The following DIAPH3 variants were observed in gnomAD, a reference collection of about 807,000 sequenced individuals.
DIAPH3 encodes diaphanous related formin 3.
Under a neutral mutation model 144.3 loss-of-function variants are expected in DIAPH3, and 117 were observed. The ratio of observed to expected loss-of-function variants is 0.81; its 90% CI spans 0.70 to 0.95. The LOEUF is 0.95. Ranked by LOEUF, DIAPH3 falls within the 40% of genes least tolerant of loss-of-function variation. The pLI, the probability that DIAPH3 is intolerant of heterozygous loss-of-function variation, is 0.00. For missense variants in DIAPH3, 1,421 were observed against 1,412.7 expected, an observed-to-expected ratio of 1.01 and a Z score of -0.09; for synonymous variants, 519 against 488.9, an observed-to-expected ratio of 1.06 and a Z score of -0.81.
intron 4 of DIAPH3, among the ~76,000 whole-genome samples, chr13:60,055,809 C>G (rs577533497): frequency 1.3e-5 from 2 of 151,704 alleles, no homozygotes; most frequent in South Asian, 4.1e-4. Flanking sequence ...CAATCGCATA[C>G]CTTCGGGGTG....
intron 3 of DIAPH3, among the ~76,000 whole-genome samples, chr13:60,106,857 A>T (rs529534370): frequency 6.6e-6 from 1 of 152,172 alleles, no homozygotes; most frequent in African/African-American, 2.4e-5. Context: ...CAAAACTTAA[A>T]AAGTCTAATA....
chr13:60,009,722 CA>C (rs1369901463), intron 8 of DIAPH3, among the ~76,000 whole-genome samples: 1 of 152,142 alleles, frequency 6.6e-6, no homozygotes, highest in Non-Finnish European at 1.5e-5. Context: ...ATCCAACCAT[CA>C]AGCCGAACCT....
At chr13:59,668,991 A>G (rs889562816) in intron 27 of DIAPH3, among the ~76,000 whole-genome samples, 1 of 152,142 alleles carries the variant, frequency 6.6e-6, no homozygotes, top group Non-Finnish European at 1.5e-5. Flanking sequence ...GCTTAGACTT[A>G]GTTACTGAGT....
chr13:59,910,468 C>T (rs1035554012), intron 20 of DIAPH3, among the ~76,000 whole-genome samples: 1 of 152,012 alleles, frequency 6.6e-6, no homozygotes, highest in Non-Finnish European at 1.5e-5. Flanking sequence ...TGGCTCACAC[C>T]TGTAATCCCA....
intron 21 of DIAPH3, among the ~76,000 whole-genome samples, chr13:59,867,001 G>A (rs1254823625): frequency 3.3e-5 from 5 of 150,382 alleles, no homozygotes; most frequent in African/African-American, 1.2e-4. Context: ...TGTGTGCCTG[G>A]TGTGTGTTTG....
At chr13:60,110,607 G>C (rs1380680767) in intron 3 of DIAPH3, among the ~76,000 whole-genome samples, 2 of 152,168 alleles carry the variant, frequency 1.3e-5, no homozygotes, top group East Asian at 1.9e-4. Flanking sequence ...GGGAAAGAAA[G>C]AATCTGTTTC....
At chr13:60,124,064 C>T (rs2058918971) in intron 2 of DIAPH3, among the ~76,000 whole-genome samples, 1 of 152,216 alleles carries the variant, frequency 6.6e-6, no homozygotes, top group Admixed American at 6.5e-5. Context: ...AAACAAAGCT[C>T]AGTCCTATTA....
chr13:60,157,457 TTC>T (rs1952086642), intron 1 of DIAPH3, among the ~76,000 whole-genome samples: 1 of 152,224 alleles, frequency 6.6e-6, no homozygotes, highest in Non-Finnish European at 1.5e-5. Context: ...TTTTTATAGT[TTC>T]TGTTTCTCTA....
Position 60,155,976 on chromosome 13 carries a change from CT to C in DIAPH3, c.180+7610del, listed in dbSNP as rs778984241. 2.0e-5 allele frequency among the ~76,000 whole-genome samples: 3 copies of C among 152,332 alleles called. No homozygotes were observed. The East Asian group carries it at 5.8e-4, about 29-fold the overall frequency. The stretch of plus-strand genomic sequence containing the variant: ...TGGTCCTCCTTGTAACTATACCTAG[CT>C]TCATTTCCTATGGCAGGTGTAACAC... On this transcript the variant is annotated intron_variant, in intron 1 of 27. Transcript: ENST00000400324.
chr13:59,899,402 G>A (rs1309951221), intron 20 of DIAPH3, among the ~76,000 whole-genome samples: 1 of 152,236 alleles, frequency 6.6e-6, no homozygotes, highest in African/African-American at 2.4e-5. Context: ...TTCCACAAAG[G>A]ACCTGTGAAA....
intron 20 of DIAPH3, among the ~76,000 whole-genome samples, chr13:59,902,885 T>C (rs1434063261): frequency 6.6e-6 from 1 of 152,226 alleles, no homozygotes; most frequent in African/African-American, 2.4e-5. Flanking sequence ...TATGAAATAA[T>C]AGTTTATTAT....
At chr13:59,938,608 G>T (rs9538534) in intron 17 of DIAPH3, among the ~76,000 whole-genome samples, 94,751 of 150,176 alleles carry the variant, frequency 0.63, 30,594 homozygotes, top group African/African-American at 0.72. Context: ...GACCTTGTTT[G>T]GAAAAAAAAA....
chr13:60,135,578 A>G (rs929842057), intron 1 of DIAPH3, among the ~76,000 whole-genome samples: 6 of 152,190 alleles, frequency 3.9e-5, no homozygotes, highest in Non-Finnish European at 8.8e-5. Context: ...CATCAGCAAG[A>G]GAAGTCAATA....
intron 27 of DIAPH3, among the ~76,000 whole-genome samples, chr13:59,739,356 T>G (rs1214256969): frequency 6.6e-6 from 1 of 152,138 alleles, no homozygotes; most frequent in Non-Finnish European, 1.5e-5. Flanking sequence ...GTCAGAAATT[T>G]TTTACTCCAT....
chr13:60,124,791 G>A (rs188251105), intron 2 of DIAPH3, among the ~76,000 whole-genome samples: 397 of 151,916 alleles, frequency 2.6e-3, no homozygotes, highest in Non-Finnish European at 4.4e-3. Context: ...ACAGTGAGCT[G>A]TGTTTGCACC....
At chr13:59,748,692 C>T (rs2036828328) in intron 27 of DIAPH3, among the ~76,000 whole-genome samples, 1 of 152,108 alleles carries the variant, frequency 6.6e-6, no homozygotes, top group South Asian at 2.1e-4. Flanking sequence ...ATGTATGCAA[C>T]CTGTAAAAAC....
intron 15 of DIAPH3, among the ~76,000 whole-genome samples, chr13:59,972,830 G>C (rs2050465915): frequency 6.6e-6 from 1 of 152,162 alleles, no homozygotes; most frequent in South Asian, 2.1e-4. Flanking sequence ...TGTCTCTCCA[G>C]CACCTAAACT....
intron 4 of DIAPH3, among the ~76,000 whole-genome samples, chr13:60,084,047 TAGATAGATAGATAGAA>T (rs1365329813): frequency 4.6e-5 from 7 of 151,058 alleles, no homozygotes; most frequent in African/African-American, 1.5e-4. Context: ...GATAGATAGA[TAGATAGATAGATAGAA>T]AGAATAAACT....
At chr13:59,937,736 A>G (rs1236096030) in intron 17 of DIAPH3, among the ~76,000 whole-genome samples, 1 of 152,226 alleles carries the variant, frequency 6.6e-6, no homozygotes, top group Non-Finnish European at 1.5e-5. Context: ...GTAGAATTTT[A>G]CAATAAACTT....
Sources: allele counts gnomAD v4.1 joint callset (sites outside exome capture counted in the v4.1 genomes callset), GRCh38; gene constraint gnomAD v4.1.1; transcripts MANE v1.5; gene names NCBI Gene and HGNC (gene_info 2026-07-23, HGNC 2026-07-21).